TCP11L2: variants seen among roughly 807,000 people sequenced by gnomAD.
TCP11L2 encodes T-complex protein 11-like protein 2.
A neutral mutation model predicts 50.7 loss-of-function variants in TCP11L2; 39 were observed. That is an observed-to-expected ratio of 0.77 (90% CI 0.60 to 1.01). The LOEUF (loss-of-function observed/expected upper bound fraction) is 1.01. TCP11L2 is among the 50% of genes least tolerant of loss of function. The pLI is 0.00. For synonymous variants in TCP11L2, 192 were observed against 219.3 expected, an observed-to-expected ratio of 0.88 and a Z score of 1.10; for missense variants, 612 against 614.7, an observed-to-expected ratio of 1.00 and a Z score of 0.05.
chr12:106,319,200 C>T (rs761024706), intron 4 of TCP11L2, among the ~76,000 whole-genome samples: 20 of 152,298 alleles, frequency 1.3e-4, no homozygotes, highest in Non-Finnish European at 1.9e-4. Flanking sequence ...CGTGAGCCAC[C>T]GCGCCCAGCC....
intron 9 of TCP11L2, among the ~76,000 whole-genome samples, chr12:106,346,067 G>C (rs2036221026): frequency 6.6e-6 from 1 of 152,160 alleles, no homozygotes; most frequent in African/African-American, 2.4e-5. Context: ...ATTGGCCAAA[G>C]TAAGTCACAG....
chr12:106,312,390 T>C, intron 2 of TCP11L2: 5 of 1,238,588 alleles, frequency 4.0e-6, no homozygotes, highest in Non-Finnish European at 5.1e-6. Context: ...TTAAGGAGAA[T>C]CTTGAGTCAG....
At chr12:106,321,749 T>C (rs1336121792) in intron 5 of TCP11L2, 43 bp downstream of exon 5, 12 of 1,564,816 alleles carry the variant, frequency 7.7e-6, no homozygotes, top group Non-Finnish European at 1.1e-5. Flanking sequence ...TATCTTTGAG[T>C]TCATTCAGAA....
upstream of TCP11L2, among the ~76,000 whole-genome samples, chr12:106,298,707 G>C (rs1311011204): frequency 6.6e-6 from 1 of 151,904 alleles, no homozygotes; most frequent in African/African-American, 2.4e-5. Flanking sequence ...ATTTTTAGTA[G>C]AGATGAGGTT....
At chr12:106,338,632 C>T (rs944234843) in intron 8 of TCP11L2, among the ~76,000 whole-genome samples, 1 of 152,144 alleles carries the variant, frequency 6.6e-6, no homozygotes, top group Non-Finnish European at 1.5e-5. Flanking sequence ...TATATGAGTA[C>T]ATGTGTCTTT....
At position 106,346,784 on chromosome 12, in the gene TCP11L2, C is replaced by A; in HGVS notation, c.*254C>A. 2.6e-6 allele frequency: 1 copy of A among 387,920 alleles called. No homozygotes were observed. The highest frequency in any genetic ancestry group is 4.6e-6 in the Non-Finnish European group (1 of 217,200). 24.0% of individuals were successfully genotyped at this position (387,920 alleles called of 1,614,324 possible). A position where few individuals can be genotyped will look rare whatever the true frequency, so the allele number is the denominator to read the frequency against. ...ACAAATATTTGTAATGAACAGAAAACAATTTGTAATTAATTATATTACCTA... is the reference window on the plus strand; with the variant it reads ...ACAAATATTTGTAATGAACAGAAAAAAATTTGTAATTAATTATATTACCTA... On this transcript the variant is annotated 3_prime_UTR_variant, in exon 10 of 10. Coordinates refer to ENST00000299045, the MANE Select transcript of TCP11L2 (RefSeq NM_152772.3).
intron 6 of TCP11L2, among the ~76,000 whole-genome samples, chr12:106,328,596 G>T (rs149235523): frequency 6.6e-6 from 1 of 152,096 alleles, no homozygotes; most frequent in Admixed American, 6.6e-5. Context: ...TGGAAACCAG[G>T]TCTCCCAAAT....
At chr12:106,316,503 ACTT>A (rs752367437) in intron 3 of TCP11L2, among the ~76,000 whole-genome samples, 2 of 151,616 alleles carry the variant, frequency 1.3e-5, no homozygotes, top group African/African-American at 2.4e-5. Flanking sequence ...TGTTCCTCTG[ACTT>A]CTTCTTTTTG....
chr12:106,305,464 C>G (rs1197321805), intron 1 of TCP11L2, among the ~76,000 whole-genome samples: 2 of 152,152 alleles, frequency 1.3e-5, no homozygotes, highest in East Asian at 1.9e-4. Flanking sequence ...GGAGAGTCAT[C>G]GCTTCCACCA....
In TCP11L2 at chr12:106,346,289, A is replaced by T; in HGVS notation, c.1319A>T (p.Lys440Ile). The change falls in exon 10 of 10, where the codon AAA becomes ATA. Residue 440 changes from lysine (K) to isoleucine (I), a missense_variant. By Grantham distance (102) the Lys-to-Ile change is moderately radical. Transcript: ENST00000299045. ...AGTATCTTTTTTTCCCCTTCAGATA[A>T]ACGAATTAAGCTTTACATGAGAAGG... Reference protein sequence around the residue: ...EDNPIWSLIDKRIKLYMRRLL... With the variant: ...EDNPIWSLIDIRIKLYMRRLL... 6.3e-7 allele frequency: 1 copy of T among 1,596,888 alleles called. No homozygotes were observed. The highest frequency in any genetic ancestry group is 8.5e-7 in the Non-Finnish European group (1 of 1,171,140).
chr12:106,330,272 CAA>C, intron 6 of TCP11L2: 1 of 985,094 alleles, frequency 1.0e-6, no homozygotes, highest in Non-Finnish European at 1.2e-6. Flanking sequence ...ACATTTTATT[CAA>C]AGTTAGAAGA....
intron 3 of TCP11L2, among the ~76,000 whole-genome samples, chr12:106,316,315 C>A (rs1014766280): frequency 1.3e-5 from 2 of 152,270 alleles, no homozygotes. Flanking sequence ...TTGCCAAAAA[C>A]TCTTCAATGG....
intron 9 of TCP11L2, among the ~76,000 whole-genome samples, chr12:106,344,854 T>G (rs952375368): frequency 6.6e-5 from 10 of 152,144 alleles, no homozygotes; most frequent in Admixed American, 5.2e-4. Flanking sequence ...TTCTATGCTT[T>G]TGTGTAGTCG....
chr12:106,344,190 G>A (rs1289939395), intron 9 of TCP11L2, among the ~76,000 whole-genome samples: 2 of 151,876 alleles, frequency 1.3e-5, no homozygotes, highest in Non-Finnish European at 2.9e-5. Flanking sequence ...TAAGGCTTAA[G>A]TCACCTTTGT....
At chr12:106,335,063 C>T (rs922403567) in intron 6 of TCP11L2, among the ~76,000 whole-genome samples, 4 of 152,084 alleles carry the variant, frequency 2.6e-5, no homozygotes, top group African/African-American at 7.2e-5. Context: ...GACATGTGCA[C>T]GTGATTGTGC....
upstream of TCP11L2, among the ~76,000 whole-genome samples, chr12:106,302,553 CG>C (rs1244293321): frequency 2.0e-5 from 3 of 151,638 alleles, no homozygotes; most frequent in African/African-American, 4.9e-5. Flanking sequence ...ACTCGCCGCG[CG>C]GGGGAACCGT....
chr12:106,299,374 T>G (rs1457160315), upstream of TCP11L2, among the ~76,000 whole-genome samples: 2 of 152,166 alleles, frequency 1.3e-5, no homozygotes, highest in Non-Finnish European at 2.9e-5. Context: ...TGATTGGCAC[T>G]TAGGGGCAGG....
At chr12:106,333,931 G>A (rs571820458) in intron 6 of TCP11L2, among the ~76,000 whole-genome samples, 57 of 152,300 alleles carry the variant, frequency 3.7e-4, no homozygotes, top group African/African-American at 1.3e-3. Context: ...CAGGAGAGAA[G>A]TGAGGGCTAT....
At chr12:106,322,371 A>G (rs753537960) in intron 5 of TCP11L2, among the ~76,000 whole-genome samples, 19 of 152,192 alleles carry the variant, frequency 1.2e-4, no homozygotes, top group African/African-American at 1.4e-4. Context: ...CTCTTTGACC[A>G]TGACTAGTCA....
Sources: allele counts gnomAD v4.1 joint callset (sites outside exome capture counted in the v4.1 genomes callset), GRCh38; gene constraint gnomAD v4.1.1; transcripts MANE v1.5; gene names NCBI Gene and HGNC (gene_info 2026-07-23, HGNC 2026-07-21).